TPR: variants seen among roughly 807,000 people sequenced by gnomAD.
The protein encoded by TPR is nucleoprotein TPR.
TPR carries 51 observed loss-of-function variants against 316.1 expected under a neutral mutation model. That is an observed-to-expected ratio of 0.16 (90% CI 0.13 to 0.20). TPR has a LOEUF of 0.20. TPR is among the 10% of genes least tolerant of loss of function. TPR has a pLI of 1.00. For synonymous variants in TPR, 981 were observed against 914.7 expected (o/e 1.07, Z -1.31); for missense variants, 2,272 against 2,754.8 (o/e 0.82, Z 3.92).
At chr1:186,341,657 C>T (rs2102072697) in intron 27 of TPR, 2 of 345,156 alleles carry the variant, frequency 5.8e-6, no homozygotes, top group East Asian at 1.0e-4. Context: ...AACATTAATC[C>T]AAATCTCTAT....
Position 186,314,042 on chromosome 1 carries a change from GAATCA to G in TPR, c.7037-21_7037-17del. The G allele has an allele frequency of 6.2e-7, 1 of 1,603,312 alleles. No homozygotes were observed. Among genetic ancestry groups the G allele is most frequent in the East Asian group, 2.2e-5 (1 of 44,704 alleles). ...TGGCTCACACCTGTAAAAGAAAAAAGAATCAAATTGAATATATCTTTTAAGAATTC... is the reference window on the plus strand; with the variant it reads ...TGGCTCACACCTGTAAAAGAAAAAAGAATTGAATATATCTTTTAAGAATTC... On this transcript the variant is annotated splice_polypyrimidine_tract_variant and intron_variant, in intron 50 of 50. Coordinates refer to ENST00000367478, the MANE Select transcript of TPR (RefSeq NM_003292.3).
Position 186,337,082 on chromosome 1 carries a change from G to A in TPR, c.4437C>T (p.Leu1479=). 1 of 1,613,830 alleles carries A rather than the reference G, an allele frequency of 6.2e-7. No individual in the cohort carries two copies. Among genetic ancestry groups the A allele is most frequent in the South Asian group, 1.1e-5 (1 of 91,068 alleles). Residue 1479 remains leucine, a synonymous_variant, in exon 32 of 51, where the codon CTC becomes CTT. Coordinates refer to ENST00000367478, the MANE Select transcript of TPR (RefSeq NM_003292.3). ...QHVSVQEMQE[L]KETLNQAETK... ...TTTCAGCTTGGTTGAGCGTTTCTTT[G>A]AGTTCCTGCATTTCCTGGACTGAAA...
rs1247185138 is a variant in TPR, at chr1:186,313,875, A to G, written c.*96T>C. ...TAATAAAGAATATTGACATGAGTAT[A>G]CCAGTTTATATATAAAAATGTTTTT... On this transcript the variant is annotated 3_prime_UTR_variant, in exon 51 of 51. Coordinates refer to ENST00000367478, the MANE Select transcript of TPR (RefSeq NM_003292.3). The G allele has an allele frequency of 2.1e-6, 3 of 1,458,554 alleles. No individual in the cohort carries two copies. In the African/African-American group the frequency reaches 4.2e-5, roughly 20 times the overall value. The allele number at this position is 1,458,554 out of a possible 1,614,324, so 90.4% of individuals were successfully genotyped here.
chr1:186,322,986 G>T (rs1179437774), intron 43 of TPR, among the ~76,000 whole-genome samples: 1 of 152,044 alleles, frequency 6.6e-6, no homozygotes, highest in Admixed American at 6.5e-5. Flanking sequence ...GGACAGATTG[G>T]ATATATTTTT....
intron 35 of TPR, 111 bp downstream of exon 35, chr1:186,334,957 T>C: frequency 9.2e-7 from 1 of 1,088,070 alleles, no homozygotes; most frequent in Non-Finnish European, 1.3e-6. Context: ...CTCTTTAGTG[T>C]ATGTTTTTAC....
Position 186,375,143 on chromosome 1 carries a change from T to C in TPR, c.-115A>G, listed in dbSNP as rs925165053. On this transcript the variant is annotated 5_prime_UTR_variant, in exon 1 of 51. Transcript: ENST00000367478. ...CCGCCGCCTCTATCACCTCGCTCGG[T>C]GGCTCGCGCGCGCCCGCCCGCCGGA... The C allele has an allele frequency of 1.5e-5, 23 of 1,549,932 alleles. No individual in the cohort carries two copies. The highest frequency in any genetic ancestry group is 1.9e-5 in the Non-Finnish European group (22 of 1,147,398).
intron 50 of TPR, chr1:186,314,360 A>G: frequency 5.5e-6 from 2 of 365,734 alleles, no homozygotes; most frequent in Non-Finnish European, 9.7e-6. Context: ...TAACACTATA[A>G]CACTTCATAT....
Position 186,352,058 on chromosome 1 carries a change from A to C in TPR, c.2387T>G (p.Val796Gly). 6.2e-7 allele frequency: 1 copy of C among 1,610,058 alleles called. No individual in the cohort carries two copies. Among genetic ancestry groups the C allele is most frequent in the South Asian group, 1.1e-5 (1 of 90,122 alleles). ...KEKEMLKLSE[V>G]RLSQQRESLL... ...AGACTCTCTTTGCTGAGAAAGACGA[A>C]CTTCAGACAATTTAAGCATTTCCTT... The change falls in exon 19 of 51, where the codon GTT becomes GGT. Residue 796 changes from valine (V) to glycine (G), a missense_variant. Val to Gly is a moderately radical substitution (Grantham distance 109, BLOSUM62 -3). Around this residue, in one of 10 missense-constraint regions of TPR, gnomAD observed 757 missense variants for 859.8 expected, o/e 0.88. Transcript: ENST00000367478.
chr1:186,369,720 G>A (rs1435638560), intron 3 of TPR, among the ~76,000 whole-genome samples: 1 of 151,894 alleles, frequency 6.6e-6, no homozygotes, highest in Non-Finnish European at 1.5e-5. Context: ...TCCAATTTGG[G>A]TGCATTTTAT....
intron 21 of TPR, among the ~76,000 whole-genome samples, chr1:186,348,298 G>C (rs138929243): frequency 0.11 from 17,076 of 152,154 alleles, 1,217 homozygotes; most frequent in Middle Eastern, 0.28. Context: ...GTTGAGATAA[G>C]GACTGAGATA....
intron 39 of TPR, among the ~76,000 whole-genome samples, chr1:186,328,365 A>G (rs916818860): frequency 6.6e-6 from 1 of 152,214 alleles, no homozygotes; most frequent in African/African-American, 2.4e-5. Flanking sequence ...AATATATCCA[A>G]AATATTATTT....
chr1:186,347,498 A>G (rs76318562), intron 21 of TPR, 40 bp from the exon 22 acceptor site: 1 of 1,600,144 alleles, frequency 6.2e-7, no homozygotes, highest in Non-Finnish European at 8.5e-7. Flanking sequence ...AACATTTTCA[A>G]TAGTATTAGA....
Position 186,337,150 on chromosome 1 carries a change from C to G in TPR, c.4369G>C (p.Glu1457Gln), listed in dbSNP as rs764001998. ...TCTCCAGAGGACTGAGCCGATGTCT[C>G]CATAACCTAAGACAACAAACAGTAA... ...ELKAQQDKVM[E>Q]TSAQSSGDHQ... Residue 1457 changes from glutamate to glutamine, a missense_variant, in exon 32 of 51, where the codon GAG becomes CAG. Around this residue, in one of 10 missense-constraint regions of TPR, gnomAD observed 101 missense variants for 113.0 expected, o/e 0.89. Coordinates refer to ENST00000367478, the MANE Select transcript of TPR (RefSeq NM_003292.3). 5.6e-6 allele frequency: 9 copies of G among 1,613,270 alleles called. No homozygotes were observed. The highest frequency in any genetic ancestry group is 3.3e-5 in the Admixed American group (2 of 59,900).
chr1:186,360,020 T>G, intron 11 of TPR, 24 bp from the exon 12 acceptor site: 1 of 1,596,812 alleles, frequency 6.3e-7, no homozygotes, highest in South Asian at 1.1e-5. Flanking sequence ...AAGGGTTGTT[T>G]CAAATCTAAC....
chr1:186,340,061 T>C (rs926055057), intron 29 of TPR, among the ~76,000 whole-genome samples: 1 of 152,158 alleles, frequency 6.6e-6, no homozygotes, highest in Non-Finnish European at 1.5e-5. Flanking sequence ...AATAAAGGGA[T>C]CTGAAGAATC....
rs766737191 is a variant in TPR at position 186,373,327 on chromosome 1, A to C, written c.256+32T>G. On this transcript the variant is annotated intron_variant, in intron 2 of 50. Transcript: ENST00000367478. The stretch of plus-strand genomic sequence containing the variant: ...AGTCTCTGAAGATTTCGATACTCCG[A>C]GAATACTTACAAAGATGAATTAAAT... 3.0e-5 allele frequency: 46 copies of C among 1,525,620 alleles called. No homozygotes were observed. The South Asian group carries it at 5.0e-4, about 17-fold the overall frequency. The allele number at this position is 1,525,620 out of a possible 1,614,324, so 94.5% of individuals were successfully genotyped here. A position where few individuals can be genotyped will look rare whatever the true frequency, so the allele number is the denominator to read the frequency against.
chr1:186,336,946 G>A, intron 32 of TPR, 67 bp downstream of exon 32: 1 of 1,596,658 alleles, frequency 6.3e-7, no homozygotes, highest in Non-Finnish European at 8.5e-7. Flanking sequence ...AGTGTCAGTA[G>A]TTAACACATA....
At chr1:186,373,287 C>G (rs1191114708) in intron 2 of TPR, 72 bp downstream of exon 2, 10 of 995,892 alleles carry the variant, frequency 1.0e-5, no homozygotes, top group Non-Finnish European at 1.3e-5. Flanking sequence ...CAAATGTTTC[C>G]AAAGTATATA....
intron 1 of TPR, among the ~76,000 whole-genome samples, chr1:186,373,992 G>A (rs1161581010): frequency 2.0e-5 from 3 of 152,192 alleles, no homozygotes; most frequent in African/African-American, 4.8e-5. Context: ...TATTTATGGT[G>A]CAAATTAATA....
Sources: gnomAD v4.1 joint callset for allele counts (sites outside exome capture counted in the v4.1 genomes callset) on GRCh38, gnomAD v4.1.1 for gene constraint, gnomAD v4.1.1 regional missense constraint, MANE v1.5 for transcripts, NCBI Gene and HGNC (gene_info 2026-07-23, HGNC 2026-07-21) for gene names.